EPHB1: variants seen among roughly 807,000 people sequenced by gnomAD.
EPHB1 encodes the protein EPH receptor B1.
EPHB1 carries 30 observed loss-of-function variants against 94.4 expected under a neutral mutation model. The ratio of observed to expected loss-of-function variants is 0.32; its 90% CI spans 0.24 to 0.43. The LOEUF (loss-of-function observed/expected upper bound fraction) is 0.43. Ranked by LOEUF, EPHB1 falls within the 20% of genes least tolerant of loss-of-function variation. The probability of loss-of-function intolerance (pLI) is 1.00; values close to 1 mark genes in which losing one functional copy is unlikely to be tolerated. For missense variants in EPHB1, 1,055 were observed against 1,308.3 expected (o/e 0.81, Z 2.99); for synonymous variants, 522 against 489.1 (o/e 1.07, Z -0.89).
chr3:134,816,288 T>A (rs2036271782), intron 1 of EPHB1, among the ~76,000 whole-genome samples: 1 of 151,990 alleles, frequency 6.6e-6, no homozygotes, highest in Non-Finnish European at 1.5e-5. Context: ...GAGACGGGGT[T>A]TCACCATGTT....
Position 135,228,346 on chromosome 3 carries a change from T to C in EPHB1, c.2347-12802T>C, listed in dbSNP as rs543149768. 2.0e-5 allele frequency among the ~76,000 whole-genome samples: 3 copies of C among 152,336 alleles called. No individual in the cohort carries two copies. In the East Asian group the frequency reaches 5.8e-4, roughly 29 times the overall value. Reference sequence around the variant, plus strand: ...TATTTATGTGTTGCCTAAGTGACAGTGTGCCCTTCTTAGGGTATTGCTTCT... The same window carrying C: ...TATTTATGTGTTGCCTAAGTGACAGCGTGCCCTTCTTAGGGTATTGCTTCT... On this transcript the variant is annotated intron_variant, in intron 12 of 15. Coordinates refer to ENST00000398015, the MANE Select transcript of EPHB1 (RefSeq NM_004441.5).
At chr3:135,119,910 A>C (rs183951690) in intron 4 of EPHB1, among the ~76,000 whole-genome samples, 139 of 152,164 alleles carry the variant, frequency 9.1e-4, no homozygotes, top group African/African-American at 3.3e-3. Flanking sequence ...TTTTGGTGAG[A>C]TGTTTCTTTT....
chr3:134,945,381 G>C (rs2039198855), intron 2 of EPHB1, among the ~76,000 whole-genome samples: 1 of 151,980 alleles, frequency 6.6e-6, no homozygotes, highest in South Asian at 2.1e-4. Context: ...TTTAAATCTT[G>C]GGTTCACCAG....
intron 3 of EPHB1, among the ~76,000 whole-genome samples, chr3:135,074,773 T>C (rs1937850623): frequency 6.6e-6 from 1 of 152,184 alleles, no homozygotes; most frequent in African/African-American, 2.4e-5. Context: ...TGAAGGCTGT[T>C]TCCAATCCTT....
chr3:135,089,466 C>A (rs777063032), intron 3 of EPHB1, among the ~76,000 whole-genome samples: 1 of 152,220 alleles, frequency 6.6e-6, no homozygotes, highest in Admixed American at 6.5e-5. Flanking sequence ...ACCAACACAA[C>A]TTTACAACCA....
chr3:134,908,063 A>G (rs2038373496), intron 1 of EPHB1, among the ~76,000 whole-genome samples: 1 of 152,210 alleles, frequency 6.6e-6, no homozygotes, highest in Admixed American at 6.5e-5. Flanking sequence ...TCACTGATTC[A>G]GTCACTCATG....
chr3:135,214,234 C>T (rs1050838801), intron 12 of EPHB1, among the ~76,000 whole-genome samples: 3 of 152,234 alleles, frequency 2.0e-5, no homozygotes, highest in East Asian at 1.9e-4. Context: ...CCCCTGTGCT[C>T]TTGTCCTTCC....
intron 1 of EPHB1, among the ~76,000 whole-genome samples, chr3:134,804,767 G>A (rs749503013): frequency 2.6e-5 from 4 of 152,170 alleles, no homozygotes; most frequent in African/African-American, 9.7e-5. Flanking sequence ...GCAGACTTAC[G>A]ACATCAGAGG....
chr3:134,829,678 A>G (rs1165198169), intron 1 of EPHB1, among the ~76,000 whole-genome samples: 1 of 152,244 alleles, frequency 6.6e-6, no homozygotes, highest in Non-Finnish European at 1.5e-5. Context: ...CTTAATCCCC[A>G]GAACTTCAGA....
chr3:134,924,468 A>G (rs189529716), intron 1 of EPHB1, among the ~76,000 whole-genome samples: 2 of 152,364 alleles, frequency 1.3e-5, no homozygotes, highest in East Asian at 1.9e-4. Flanking sequence ...ATGGATGACA[A>G]ATAAGTATGT....
intron 3 of EPHB1, among the ~76,000 whole-genome samples, chr3:134,954,833 G>A (rs572339978): frequency 6.6e-6 from 1 of 152,128 alleles, no homozygotes. Context: ...CAAAGTCGTG[G>A]TGACCAGTCG....
intron 5 of EPHB1, among the ~76,000 whole-genome samples, chr3:135,141,145 CTTTTT>C (rs59743607): frequency 7.6e-6 from 1 of 131,302 alleles, no homozygotes; most frequent in African/African-American, 2.8e-5. Context: ...CTTTCCTTTC[CTTTTT>C]TTTTTTTTTT....
chr3:134,884,440 G>A (rs1043222074), intron 1 of EPHB1, among the ~76,000 whole-genome samples: 4 of 152,176 alleles, frequency 2.6e-5, no homozygotes, highest in Non-Finnish European at 5.9e-5. Context: ...GAAAGTATCT[G>A]CTTGAAGCCA....
intron 1 of EPHB1, among the ~76,000 whole-genome samples, chr3:134,903,542 C>A (rs909551207): frequency 1.3e-5 from 2 of 152,182 alleles, no homozygotes; most frequent in African/African-American, 4.8e-5. Context: ...CGCTGCTGCC[C>A]TTTCTGAGAA....
chr3:135,234,792 A>ACTC (rs1251667025), intron 12 of EPHB1, among the ~76,000 whole-genome samples: 1 of 152,170 alleles, frequency 6.6e-6, no homozygotes, highest in Non-Finnish European at 1.5e-5. Flanking sequence ...TCTTGTGAGA[A>ACTC]CTCACTCACT....
intron 1 of EPHB1, among the ~76,000 whole-genome samples, chr3:134,873,376 TC>T (rs1220402551): frequency 6.6e-6 from 1 of 152,178 alleles, no homozygotes; most frequent in Non-Finnish European, 1.5e-5. Flanking sequence ...AAGAGAAAAC[TC>T]TTCTAGTGTG....
chr3:134,803,564 C>T (rs2035973490), intron 1 of EPHB1, among the ~76,000 whole-genome samples: 2 of 152,174 alleles, frequency 1.3e-5, no homozygotes, highest in Admixed American at 6.5e-5. Flanking sequence ...GCTGGCAATG[C>T]TGGATCCAGG....
intron 13 of EPHB1, among the ~76,000 whole-genome samples, chr3:135,244,396 A>T (rs1339611740): frequency 6.6e-6 from 1 of 152,168 alleles, no homozygotes; most frequent in Non-Finnish European, 1.5e-5. Context: ...TTCTCTCTGG[A>T]AATGCCATCT....
At chr3:134,904,698 A>G (rs140915959) in intron 1 of EPHB1, among the ~76,000 whole-genome samples, 1,552 of 152,290 alleles carry the variant, frequency 0.01, 38 homozygotes, top group African/African-American at 0.035. Flanking sequence ...GATCACGAGT[A>G]TGGGATGGGG....
Sources: gnomAD v4.1 joint callset for allele counts (sites outside exome capture counted in the v4.1 genomes callset) on GRCh38, gnomAD v4.1.1 for gene constraint, MANE v1.5 for transcripts, NCBI Gene and HGNC (gene_info 2026-07-23, HGNC 2026-07-21) for gene names.